SH2B3: variants seen among roughly 807,000 people sequenced by gnomAD.
SH2B3 encodes the protein SH2B adaptor protein 3.
SH2B3 carries 43 observed loss-of-function variants against 51.9 expected under a neutral mutation model. That is an observed-to-expected ratio of 0.83 (90% CI 0.65 to 1.07). SH2B3 has a LOEUF of 1.07. SH2B3 is among the 50% of genes least tolerant of loss of function. The pLI is 0.00. For synonymous variants in SH2B3, 396 were observed against 376.0 expected (o/e 1.05, Z -0.62); for missense variants, 952 against 834.3 (o/e 1.14, Z -1.74).
At chr12:111,420,087 T>C (rs1593040578) in intron 2 of SH2B3, among the ~76,000 whole-genome samples, 1 of 152,280 alleles carries the variant, frequency 6.6e-6, no homozygotes, top group East Asian at 1.9e-4. Flanking sequence ...CATTGACAGA[T>C]TGGTGTTTTA....
rs545091324 is a variant in SH2B3 at position 111,438,069 on chromosome 12, T to C, written c.733-8684T>C. ...GCACAGGAATTGCACTAATCATGAC[T>C]CAGTGGTCAGAGAAGGCTCCCTGGA... On this transcript the variant is annotated intron_variant, in intron 2 of 7. Transcript: ENST00000341259. This position sits in a 1 kb window ranked among gnomAD's most constrained non-coding sequence, Gnocchi z 4.2. Among the ~76,000 whole-genome samples, 2 of 152,310 alleles carry C rather than the reference T, an allele frequency of 1.3e-5. No individual in the cohort carries two copies. Among genetic ancestry groups the C allele is most frequent in the African/African-American group, 2.4e-5 (1 of 41,564 alleles).
intron 2 of SH2B3, among the ~76,000 whole-genome samples, chr12:111,431,121 TGAG>T (rs1565978704): frequency 6.6e-6 from 1 of 152,186 alleles, no homozygotes; most frequent in Non-Finnish European, 1.5e-5. Flanking sequence ...CCCTCTGAGT[TGAG>T]GAGGAGGCTG....
intron 2 of SH2B3, among the ~76,000 whole-genome samples, chr12:111,441,640 C>A (rs1048478327): frequency 6.6e-6 from 1 of 152,136 alleles, no homozygotes; most frequent in Non-Finnish European, 1.5e-5. Flanking sequence ...TCACCTCAAT[C>A]CCATATTACC....
chr12:111,436,099 G>A (rs937696870), intron 2 of SH2B3, among the ~76,000 whole-genome samples: 6 of 152,234 alleles, frequency 3.9e-5, no homozygotes, highest in Admixed American at 2.6e-4. Context: ...GTGCTGGTCC[G>A]CTGGCTGTCA....
intron 2 of SH2B3, among the ~76,000 whole-genome samples, chr12:111,421,669 G>A (rs956923010): frequency 1.1e-4 from 16 of 152,020 alleles, no homozygotes; most frequent in East Asian, 7.7e-4. Context: ...CCCCCACTTC[G>A]GCCTCCCAAA....
At chr12:111,431,379 A>C (rs181824962) in intron 2 of SH2B3, among the ~76,000 whole-genome samples, 2 of 152,114 alleles carry the variant, frequency 1.3e-5, no homozygotes, top group East Asian at 3.9e-4. Context: ...TGGGTACCCC[A>C]TGTAATCTAG....
intron 6 of SH2B3, 27 bp downstream of exon 6, chr12:111,447,571 G>T: frequency 2.2e-6 from 3 of 1,341,106 alleles, no homozygotes; most frequent in Non-Finnish European, 3.1e-6. Context: ...GGTGGGGTGG[G>T]GCAGGCAGGA....
At chr12:111,423,394 G>C (rs1374555717) in intron 2 of SH2B3, among the ~76,000 whole-genome samples, 2 of 151,858 alleles carry the variant, frequency 1.3e-5, no homozygotes, top group Non-Finnish European at 2.9e-5. Context: ...TTTTGAGACA[G>C]AGTCTTGCTC....
chr12:111,434,942 G>A, intron 2 of SH2B3: 1 of 1,535,532 alleles, frequency 6.5e-7, no homozygotes, highest in Non-Finnish European at 8.7e-7. Context: ...AGGAGGACCT[G>A]GCCTGGCTGT....
At chr12:111,408,067 T>C (rs1311618719) in intron 1 of SH2B3, among the ~76,000 whole-genome samples, 1 of 152,184 alleles carries the variant, frequency 6.6e-6, no homozygotes, top group African/African-American at 2.4e-5. Context: ...TCATTAGTGT[T>C]ACTGTTATTG....
rs1431709819 is a variant in SH2B3 at position 111,438,757 on chromosome 12, G to A, written c.733-7996G>A. On this transcript the variant is annotated intron_variant, in intron 2 of 7. Transcript: ENST00000341259. The surrounding 1 kb of genome is among the most constrained non-coding windows in gnomAD (Gnocchi z 4.2). ...GGATTTAGATACTGTGGTCAGGGAG[G>A]GCCTCCCTGAGGAGATGACACTTTG... Among the ~76,000 whole-genome samples, 3 of 152,150 alleles carry A rather than the reference G, an allele frequency of 2.0e-5. No homozygotes were observed. Among genetic ancestry groups the A allele is most frequent in the Non-Finnish European group, 4.4e-5 (3 of 68,016 alleles).
rs1870321538 is a variant in SH2B3, at chr12:111,407,245, G to A, written c.-28+968G>A. ...GCTGGGGGCCTCCAGGGAGGGGCAC[G>A]GCCAGGCTGGGCTGAGTGGGAGGAA... On this transcript the variant is annotated intron_variant, in intron 1 of 7. Transcript: ENST00000341259. The surrounding 1 kb of genome is among the most constrained non-coding windows in gnomAD (Gnocchi z 4.3). 3.3e-5 allele frequency among the ~76,000 whole-genome samples: 5 copies of A among 152,060 alleles called. No homozygotes were observed. Among genetic ancestry groups the A allele is most frequent in the Admixed American group, 6.5e-5 (1 of 15,282 alleles).
In SH2B3 at chr12:111,449,245, G is replaced by C. The variant is rs970661120; in HGVS notation, c.*943G>C. On this transcript the variant is annotated 3_prime_UTR_variant, in exon 8 of 8. Coordinates refer to ENST00000341259, the MANE Select transcript of SH2B3 (RefSeq NM_005475.3). ...ATAGTTAAATTAACTGGGGCTAGGG[G>C]AAGAGCAAGCAAAAAGGGAAGAAGG... The C allele has an allele frequency of 1.3e-4, 20 of 152,626 alleles. No individual in the cohort carries two copies. Among genetic ancestry groups the C allele is most frequent in the African/African-American group, 4.6e-4 (19 of 41,586 alleles). The allele number at this position is 152,626 out of a possible 1,614,324, so 9.5% of individuals were successfully genotyped here. A position where few individuals can be genotyped will look rare whatever the true frequency, so the allele number is the denominator to read the frequency against.
In SH2B3 at chr12:111,447,992, A is replaced by G. The variant is rs773358920; in HGVS notation, c.1418A>G (p.Asn473Ser). ...VVVSQPPGSCNTVLFPFSLPH... is the reference protein window; with the variant it reads ...VVVSQPPGSCSTVLFPFSLPH... ...TGGTCACTTGTCCTAGGTTCCTGCA[A>G]CACGGTCCTCTTCCCTTTCTCCCTT... Residue 473 changes from asparagine (N) to serine (S), a missense_variant, in exon 8 of 8, where the codon AAC (asparagine) becomes AGC (serine). By Grantham distance (46) the Asn-to-Ser change is conservative. Coordinates refer to ENST00000341259, the MANE Select transcript of SH2B3 (RefSeq NM_005475.3). 6.2e-7 allele frequency: 1 copy of G among 1,608,482 alleles called. No individual in the cohort carries two copies. Among genetic ancestry groups the G allele is most frequent in the Non-Finnish European group, 8.5e-7 (1 of 1,176,586 alleles).
In SH2B3 at chr12:111,410,971, C is replaced by T. The variant is rs1392984132; in HGVS notation, c.-28+4694C>T. The stretch of plus-strand genomic sequence containing the variant: ...GAGGCCTCCCTGGAGGAAGTGTCCC[C>T]TCTGAAGGTGTGAGACTTCCTGCCT... On this transcript the variant is annotated intron_variant, in intron 1 of 7. Transcript: ENST00000341259. The surrounding 1 kb of genome is among the most constrained non-coding windows in gnomAD (Gnocchi z 4.9). Among the ~76,000 whole-genome samples the T allele has an allele frequency of 1.1e-4, 17 of 152,158 alleles. No individual in the cohort carries two copies. Among genetic ancestry groups the T allele is most frequent in the Non-Finnish European group, 2.5e-4 (17 of 68,034 alleles).
Position 111,410,969 on chromosome 12 carries a change from C to T in SH2B3, c.-28+4692C>T, listed in dbSNP as rs2135534343. ...AGGAGGCCTCCCTGGAGGAAGTGTC[C>T]CCTCTGAAGGTGTGAGACTTCCTGC... On this transcript the variant is annotated intron_variant, in intron 1 of 7. Coordinates refer to ENST00000341259, the MANE Select transcript of SH2B3 (RefSeq NM_005475.3). The surrounding 1 kb of genome is among the most constrained non-coding windows in gnomAD (Gnocchi z 4.9). Among the ~76,000 whole-genome samples, 1 of 152,216 alleles carries T rather than the reference C, an allele frequency of 6.6e-6. No homozygotes were observed. The highest frequency in any genetic ancestry group is 2.4e-5 in the African/African-American group (1 of 41,534).
intron 1 of SH2B3, among the ~76,000 whole-genome samples, chr12:111,414,004 G>A (rs1425425594): frequency 6.6e-6 from 1 of 152,178 alleles, no homozygotes; most frequent in Non-Finnish European, 1.5e-5. Context: ...GTGTAGGTGG[G>A]GCAGGAGCCT....
intron 1 of SH2B3, among the ~76,000 whole-genome samples, chr12:111,414,682 T>A (rs1280067832): frequency 6.6e-6 from 1 of 151,966 alleles, no homozygotes; most frequent in African/African-American, 2.4e-5. Context: ...CTTGTGGAGA[T>A]CGGCTGTGGG....
chr12:111,425,096 G>A (rs1871885458), intron 2 of SH2B3, among the ~76,000 whole-genome samples: 1 of 152,172 alleles, frequency 6.6e-6, no homozygotes, highest in Admixed American at 6.5e-5. Flanking sequence ...AGCCTCACCT[G>A]CAGTTGGGCC....
Sources: allele counts gnomAD v4.1 joint callset (sites outside exome capture counted in the v4.1 genomes callset), GRCh38; gene constraint gnomAD v4.1.1; non-coding constraint Gnocchi (gnomAD v3.1); transcripts MANE v1.5; gene names NCBI Gene and HGNC (gene_info 2026-07-23, HGNC 2026-07-21).